Variants in LPIN1 observed in about 807,000 individuals in gnomAD.
LPIN1 encodes phosphatidate phosphatase LPIN1.
LPIN1 carries 71 observed loss-of-function variants against 107.5 expected under a neutral mutation model. The ratio of observed to expected loss-of-function variants is 0.66; its 90% CI spans 0.55 to 0.80. The LOEUF (loss-of-function observed/expected upper bound fraction) is 0.80, where lower values mean the gene tolerates loss of function less well. Among genes scored for constraint, LPIN1 ranks in the 30% least tolerant of loss-of-function variants. The pLI is 0.00. For synonymous variants in LPIN1, 445 were observed against 452.6 expected (o/e 0.98, Z 0.21); for missense variants, 1,043 against 1,160.6 (o/e 0.90, Z 1.47).
At chr2:11,703,591 A>G (rs1662989027) in intron 1 of LPIN1, among the ~76,000 whole-genome samples, 1 of 152,174 alleles carries the variant, frequency 6.6e-6, no homozygotes, top group Non-Finnish European at 1.5e-5. Context: ...CATACACACA[A>G]ACGGGCACGT....
At chr2:11,761,344 A>AC (rs1669799657) in intron 1 of LPIN1, among the ~76,000 whole-genome samples, 1 of 152,226 alleles carries the variant, frequency 6.6e-6, no homozygotes, top group African/African-American at 2.4e-5. Flanking sequence ...TTGTAAACTT[A>AC]GAAAAATGTG....
intron 1 of LPIN1, chr2:11,764,401 T>C (rs192410471): frequency 6.6e-6 from 1 of 152,316 alleles, no homozygotes; most frequent in African/African-American, 2.4e-5. Flanking sequence ...CCTGTCTCAT[T>C]CTCCCAAAGT....
chr2:11,793,200 ATCTGTGGGTGAGAT>A (rs1676085744), intron 13 of LPIN1, among the ~76,000 whole-genome samples: 1 of 152,076 alleles, frequency 6.6e-6, no homozygotes, highest in African/African-American at 2.4e-5. Flanking sequence ...ACCACTGTCC[ATCTGTGGGTGAGAT>A]TCATGCTTTT....
At chr2:11,690,239 ACAAAT>A (rs1662203444) in intron 1 of LPIN1, among the ~76,000 whole-genome samples, 2 of 152,178 alleles carry the variant, frequency 1.3e-5, no homozygotes, top group African/African-American at 2.4e-5. Flanking sequence ...TCTATGGAAG[ACAAAT>A]TCCTTTAGTT....
intron 1 of LPIN1, among the ~76,000 whole-genome samples, chr2:11,684,921 G>A (rs1308335192): frequency 7.1e-6 from 1 of 141,808 alleles, no homozygotes; most frequent in African/African-American, 2.5e-5. Flanking sequence ...TCTAAGCACT[G>A]GAAATGAGCC....
chr2:11,748,140 G>C (rs2148570927), intron 1 of LPIN1, among the ~76,000 whole-genome samples: 1 of 152,358 alleles, frequency 6.6e-6, no homozygotes, highest in South Asian at 2.1e-4. Flanking sequence ...GGGGGACCTT[G>C]GAAGTGACTG....
intron 16 of LPIN1, 108 bp downstream of exon 16, chr2:11,804,679 G>A (rs1054126347): frequency 1.4e-5 from 17 of 1,189,130 alleles, no homozygotes; most frequent in Non-Finnish European, 1.7e-5. Flanking sequence ...TGCACGGTTC[G>A]AATTCTGGTG....
intron 12 of LPIN1, chr2:11,791,626 T>C (rs1170034913): frequency 7.9e-7 from 1 of 1,263,288 alleles, no homozygotes; most frequent in Non-Finnish European, 1.0e-6. Flanking sequence ...TCACTAATGA[T>C]TTCTAATGCT....
chr2:11,710,364 T>C (rs1421114395), intron 1 of LPIN1, among the ~76,000 whole-genome samples: 5 of 151,248 alleles, frequency 3.3e-5, no homozygotes, highest in African/African-American at 1.2e-4. Flanking sequence ...AGACAAACAA[T>C]AGAGTTGAGA....
chr2:11,766,106 C>T (rs1305229886), intron 2 of LPIN1, among the ~76,000 whole-genome samples: 2 of 152,212 alleles, frequency 1.3e-5, no homozygotes, highest in African/African-American at 4.8e-5. Flanking sequence ...CTTGGCTGGG[C>T]TCTTCGCTGA....
Position 11,771,642 on chromosome 2 carries a change from A to C in LPIN1, c.559A>C (p.Ser187Arg). 1 of 1,600,334 alleles carries C rather than the reference A, an allele frequency of 6.2e-7. No individual in the cohort carries two copies. The highest frequency in any genetic ancestry group is 8.5e-7 in the Non-Finnish European group (1 of 1,173,656). The change falls in exon 4 of 21, where the codon AGC (serine) becomes CGC (arginine). Residue 187 changes from serine (S) to arginine (R), a missense_variant. Physicochemically the swap from Ser to Arg is moderately radical, Grantham distance 110. Coordinates refer to ENST00000674199, the MANE Select transcript of LPIN1 (RefSeq NM_001349206.2). This position sits in a 1 kb window ranked among gnomAD's most constrained non-coding sequence, Gnocchi z 4.8. ...TGAGGACATGTTCCCCATCGAGATG[A>C]GCTCGGATGAGGCCATGGAGCTGCT... ...EDEDMFPIEM[S>R]SDEAMELLES...
At chr2:11,733,085 C>A (rs1306889219) in intron 1 of LPIN1, among the ~76,000 whole-genome samples, 5 of 152,122 alleles carry the variant, frequency 3.3e-5, no homozygotes, top group Admixed American at 2.0e-4. Context: ...CATTCCCACT[C>A]CCCAGAAATG....
chr2:11,824,911 G>A lies in LPIN1; in HGVS notation c.*120G>A. On this transcript the variant is annotated 3_prime_UTR_variant, in exon 21 of 21. Coordinates refer to ENST00000674199, the MANE Select transcript of LPIN1 (RefSeq NM_001349206.2). The stretch of plus-strand genomic sequence containing the variant: ...CTGGCGCGTCATCATTGGCCTGACA[G>A]CAGAGAGAATTGAGAAGCATTTCTC... 8.5e-7 allele frequency: 1 copy of A among 1,169,732 alleles called. No individual in the cohort carries two copies. Among genetic ancestry groups the A allele is most frequent in the Non-Finnish European group, 1.2e-6 (1 of 802,876 alleles). 72.5% of individuals were successfully genotyped at this position (1,169,732 alleles called of 1,614,324 possible). A position where few individuals can be genotyped will look rare whatever the true frequency, so the allele number is the denominator to read the frequency against.
chr2:11,791,198 CT>C (rs1473528885), intron 12 of LPIN1, among the ~76,000 whole-genome samples: 1 of 152,076 alleles, frequency 6.6e-6, no homozygotes, highest in African/African-American at 2.4e-5. Context: ...CAGCTTAAAT[CT>C]TTCTTTTGTT....
At chr2:11,772,032 G>C (rs1178103732) in intron 4 of LPIN1, among the ~76,000 whole-genome samples, 2 of 152,146 alleles carry the variant, frequency 1.3e-5, no homozygotes, top group Non-Finnish European at 2.9e-5. Context: ...GGGGGTGATG[G>C]GTGACAGATC....
At chr2:11,800,446 C>T (rs1677502371) in intron 14 of LPIN1, among the ~76,000 whole-genome samples, 1 of 152,080 alleles carries the variant, frequency 6.6e-6, no homozygotes, top group Non-Finnish European at 1.5e-5. Flanking sequence ...CTTACTCTGT[C>T]ACCCAGGCTG....
In LPIN1 at chr2:11,770,195, T is replaced by C. The variant is rs2148630566; in HGVS notation, c.289-1177T>C. 2.6e-5 allele frequency among the ~76,000 whole-genome samples: 4 copies of C among 152,308 alleles called. No individual in the cohort carries two copies. In the South Asian group the frequency reaches 8.3e-4, roughly 32 times the overall value. On this transcript the variant is annotated intron_variant, in intron 3 of 20. Transcript: ENST00000674199. ...TTTGGCCATCGGAGCTGAGGAAGCA[T>C]TTTGGGCCAGCGTGCAGCGGGACCT... is the stretch of plus-strand genomic sequence containing the variant.
At chr2:11,710,789 T>A (rs981142341) in intron 1 of LPIN1, among the ~76,000 whole-genome samples, 2 of 152,198 alleles carry the variant, frequency 1.3e-5, no homozygotes, top group African/African-American at 4.8e-5. Flanking sequence ...GCTTCCACCG[T>A]GACTGCCAAC....
In LPIN1 at chr2:11,787,897, C is replaced by T. The variant is rs556362840; in HGVS notation, c.1644-490C>T. 9.3e-5 allele frequency among the ~76,000 whole-genome samples: 14 copies of T among 150,184 alleles called. No homozygotes were observed. The East Asian group carries it at 1.8e-3, about 19-fold the overall frequency. ...CGGAAGTTGCAGTGAGCCAAGATAG[C>T]GCCACTGCAGTCTGGCCTGGGTGAA... is the stretch of plus-strand genomic sequence containing the variant. On this transcript the variant is annotated intron_variant, in intron 11 of 20. Coordinates refer to ENST00000674199, the MANE Select transcript of LPIN1 (RefSeq NM_001349206.2).
Sources: allele counts gnomAD v4.1 joint callset (sites outside exome capture counted in the v4.1 genomes callset), GRCh38; gene constraint gnomAD v4.1.1; non-coding constraint Gnocchi (gnomAD v3.1); transcripts MANE v1.5; gene names NCBI Gene and HGNC (gene_info 2026-07-23, HGNC 2026-07-21).